CNTN5: variants seen among roughly 807,000 people sequenced by gnomAD.
CNTN5 encodes the protein contactin 5, also known as contactin-5.
CNTN5 carries 77 observed loss-of-function variants against 129.1 expected under a neutral mutation model. The ratio of observed to expected loss-of-function variants is 0.60; its 90% CI spans 0.50 to 0.72. The LOEUF (loss-of-function observed/expected upper bound fraction) is 0.72, where lower values mean the gene tolerates loss of function less well. CNTN5 is among the 30% of genes least tolerant of loss of function. CNTN5 has a pLI of 0.00. For missense variants in CNTN5, 1,478 were observed against 1,328.8 expected (o/e 1.11, Z -1.75); for synonymous variants, 509 against 465.6 (o/e 1.09, Z -1.20).
chr11:99,069,599 T>C (rs7939066), intron 1 of CNTN5, among the ~76,000 whole-genome samples: 593 of 152,296 alleles, frequency 3.9e-3, no homozygotes, highest in African/African-American at 0.014. Context: ...GGGCAAGTAC[T>C]GTGTGTTTTA....
chr11:99,140,791 A>G (rs1298073830), intron 1 of CNTN5, among the ~76,000 whole-genome samples: 1 of 152,064 alleles, frequency 6.6e-6, no homozygotes, highest in Non-Finnish European at 1.5e-5. Flanking sequence ...GGGATGAATC[A>G]CATTTATTCA....
At chr11:99,514,989 T>A (rs1044790262) in intron 2 of CNTN5, among the ~76,000 whole-genome samples, 3 of 152,052 alleles carry the variant, frequency 2.0e-5, no homozygotes, top group Non-Finnish European at 4.4e-5. Context: ...TAAAAAACGA[T>A]GTGCAATTGT....
At chr11:99,089,153 G>T (rs961029449) in intron 1 of CNTN5, among the ~76,000 whole-genome samples, 6 of 151,842 alleles carry the variant, frequency 4.0e-5, no homozygotes, top group Non-Finnish European at 7.4e-5. Flanking sequence ...ATTCAACATA[G>T]CAGGCCTTTT....
intron 13 of CNTN5, among the ~76,000 whole-genome samples, chr11:100,083,040 G>A (rs1944419246): frequency 6.6e-6 from 1 of 152,072 alleles, no homozygotes. Flanking sequence ...AGAAGGCTGG[G>A]TGCAGTGGTT....
In CNTN5 at chr11:100,043,211, A is replaced by C. The variant is rs533783823; in HGVS notation, c.981-18001A>C. On this transcript the variant is annotated intron_variant, in intron 9 of 24. Transcript: ENST00000524871. Reference sequence around the variant, plus strand: ...TTGATTTCAAATCAGCCATTTGAAAACAGCAAAATTATTTCATTTTCCCTA... The same window carrying C: ...TTGATTTCAAATCAGCCATTTGAAACCAGCAAAATTATTTCATTTTCCCTA... Among the ~76,000 whole-genome samples, 5 of 152,214 alleles carry C rather than the reference A, an allele frequency of 3.3e-5. No individual in the cohort carries two copies. The South Asian group carries it at 1.0e-3, about 32-fold the overall frequency.
intron 1 of CNTN5, among the ~76,000 whole-genome samples, chr11:99,140,982 G>C (rs1482750290): frequency 1.3e-5 from 2 of 151,816 alleles, no homozygotes; most frequent in African/African-American, 4.8e-5. Context: ...CTCTGACAGT[G>C]TTGGCATCAG....
intron 1 of CNTN5, among the ~76,000 whole-genome samples, chr11:99,237,159 A>C (rs974848490): frequency 5.3e-5 from 8 of 152,006 alleles, no homozygotes; most frequent in Non-Finnish European, 1.2e-4. Context: ...CTACACGCAA[A>C]ACATTGAAAA....
intron 6 of CNTN5, among the ~76,000 whole-genome samples, chr11:99,864,066 T>A (rs1054127443): frequency 1.3e-5 from 2 of 152,218 alleles, no homozygotes; most frequent in Non-Finnish European, 2.9e-5. Context: ...CGCTCACGGA[T>A]GTATCTCAAG....
intron 3 of CNTN5, among the ~76,000 whole-genome samples, chr11:99,577,075 T>C (rs1293248235): frequency 6.6e-6 from 1 of 152,168 alleles, no homozygotes; most frequent in Non-Finnish European, 1.5e-5. Flanking sequence ...GTAGAGGTCT[T>C]TATTGGACTT....
At chr11:99,183,997 A>G (rs1858215435) in intron 1 of CNTN5, among the ~76,000 whole-genome samples, 1 of 152,006 alleles carries the variant, frequency 6.6e-6, no homozygotes, top group Non-Finnish European at 1.5e-5. Flanking sequence ...CTTATCTGAT[A>G]TTTCTTGAAC....
chr11:100,328,822 T>C (rs903431030), intron 21 of CNTN5, among the ~76,000 whole-genome samples: 5 of 152,276 alleles, frequency 3.3e-5, no homozygotes, highest in Admixed American at 3.3e-4. Flanking sequence ...AGAACTAGCT[T>C]GCAGCTCCTG....
intron 9 of CNTN5, among the ~76,000 whole-genome samples, chr11:100,047,092 T>C (rs1942722137): frequency 1.3e-5 from 2 of 152,154 alleles, no homozygotes; most frequent in South Asian, 2.1e-4. Flanking sequence ...TCTCATTGAA[T>C]ATATGAACAA....
intron 3 of CNTN5, among the ~76,000 whole-genome samples, 200 bp from the exon 4 acceptor site, chr11:99,819,344 T>C: frequency 2.1e-4 from 1 of 4,760 alleles, no homozygotes; most frequent in East Asian, 6.9e-3. Flanking sequence ...CCTCCTTTCC[T>C]TAATATTATA....
intron 2 of CNTN5, among the ~76,000 whole-genome samples, chr11:99,521,317 T>G (rs1947267033): frequency 6.6e-6 from 1 of 152,108 alleles, no homozygotes; most frequent in African/African-American, 2.4e-5. Context: ...TGGATATATG[T>G]CTAACTTTTC....
At position 99,353,765 on chromosome 11, in the gene CNTN5, T is replaced by C. The variant is rs557090087; in HGVS notation, c.-71+28281T>C. Among the ~76,000 whole-genome samples, 16 of 152,330 alleles carry C rather than the reference T, an allele frequency of 1.1e-4. No homozygotes were observed. The South Asian group carries it at 3.3e-3, about 32-fold the overall frequency. ...TGCTGTGCATCCTGATTGTCCTGAC[T>C]TTTTTCTTTTGCCTTTAAATAAACC... On this transcript the variant is annotated intron_variant, in intron 2 of 24. Transcript: ENST00000524871.
chr11:100,207,855 C>T (rs1948948305), intron 15 of CNTN5, among the ~76,000 whole-genome samples: 1 of 152,148 alleles, frequency 6.6e-6, no homozygotes, highest in Non-Finnish European at 1.5e-5. Flanking sequence ...GCAAACATTT[C>T]AATATCATAT....
intron 16 of CNTN5, among the ~76,000 whole-genome samples, chr11:100,255,556 G>A (rs1950048223): frequency 6.6e-6 from 1 of 152,142 alleles, no homozygotes; most frequent in Admixed American, 6.5e-5. Context: ...GTAGCAGAAA[G>A]AAATCAAATC....
chr11:99,479,763 A>G (rs1055915240), intron 2 of CNTN5, among the ~76,000 whole-genome samples: 2 of 152,158 alleles, frequency 1.3e-5, no homozygotes, highest in African/African-American at 4.8e-5. Context: ...AAATTTTATT[A>G]ATTTTCACCT....
chr11:99,983,937 A>G (rs1370643011), intron 8 of CNTN5, among the ~76,000 whole-genome samples: 1 of 152,148 alleles, frequency 6.6e-6, no homozygotes, highest in Non-Finnish European at 1.5e-5. Context: ...AAATAACTGT[A>G]TCATAAGGCA....
Sources: allele counts gnomAD v4.1 joint callset (sites outside exome capture counted in the v4.1 genomes callset), GRCh38; gene constraint gnomAD v4.1.1; transcripts MANE v1.5; gene names NCBI Gene and HGNC (gene_info 2026-07-23, HGNC 2026-07-21).